The following LYST variants were observed in gnomAD, a reference collection of about 807,000 sequenced individuals.
LYST encodes lysosomal trafficking regulator, also known as lysosomal-trafficking regulator.
A neutral mutation model predicts 413.6 loss-of-function variants in LYST; 192 were observed. The observed-to-expected ratio is 0.46, with a 90% CI of 0.41 to 0.52. The LOEUF (loss-of-function observed/expected upper bound fraction) is 0.52, where lower values mean the gene tolerates loss of function less well. Ranked by LOEUF, LYST falls within the 20% of genes least tolerant of loss-of-function variation. The probability of loss-of-function intolerance (pLI) is 0.00; values close to 1 mark genes in which losing one functional copy is unlikely to be tolerated. For synonymous variants in LYST, 1,525 were observed against 1,567.3 expected, an observed-to-expected ratio of 0.97 and a Z score of 0.64; for missense variants, 3,815 against 4,499.9, an observed-to-expected ratio of 0.85 and a Z score of 4.35.
Position 235,787,331 on chromosome 1 carries a change from T to C in LYST, c.4731A>G (p.Leu1577=), listed in dbSNP as rs769475194. The C allele has an allele frequency of 6.2e-7, 1 of 1,613,836 alleles. No individual in the cohort carries two copies. The highest frequency in any genetic ancestry group is 8.5e-7 in the Non-Finnish European group (1 of 1,179,804). ...TATTCTCCTGTGATTCAACCTGTGCTAGTAAAACAGCTTTCATGTCATCAT... is the reference window on the plus strand; with the variant it reads ...TATTCTCCTGTGATTCAACCTGTGCCAGTAAAACAGCTTTCATGTCATCAT... ...DSNDDMKAVL[L]AQVESQENIF... Residue 1577 remains leucine (L), a synonymous_variant, in exon 14 of 53, where the codon CTA becomes CTG. Coordinates refer to ENST00000389793, the MANE Select transcript of LYST (RefSeq NM_000081.4).
chr1:235,684,029 C>T lies in LYST; in HGVS notation c.10800+2920G>A, dbSNP rs78415446. Among the ~76,000 whole-genome samples the T allele has an allele frequency of 3.0e-4, 45 of 152,178 alleles. No individual in the cohort carries two copies. In the East Asian group the frequency reaches 8.7e-3, roughly 29 times the overall value. ...CTAATACTTAGGTGGAAAAAAAATC[C>T]TATAAAAATTAGCTGAAAAATCTGC... On this transcript the variant is annotated intron_variant, in intron 48 of 52. Coordinates refer to ENST00000389793, the MANE Select transcript of LYST (RefSeq NM_000081.4).
At chr1:235,700,004 A>G (rs150480190) in intron 45 of LYST, among the ~76,000 whole-genome samples, 1 of 152,308 alleles carries the variant, frequency 6.6e-6, no homozygotes, top group Non-Finnish European at 1.5e-5. Flanking sequence ...TCCCTATTTA[A>G]TAAGTGGTGC....
chr1:235,750,530 G>GGT (rs149529363), intron 28 of LYST, among the ~76,000 whole-genome samples: 1 of 151,724 alleles, frequency 6.6e-6, no homozygotes, highest in Non-Finnish European at 1.5e-5. Flanking sequence ...CTCTGGAGAT[G>GGT]GTGTGTGTGT....
intron 15 of LYST, among the ~76,000 whole-genome samples, 168 bp downstream of exon 15, chr1:235,781,759 G>C (rs1236295002): frequency 6.6e-6 from 1 of 151,956 alleles, no homozygotes; most frequent in Non-Finnish European, 1.5e-5. Flanking sequence ...TGGAAATACA[G>C]TACTTATTAA....
upstream of LYST, among the ~76,000 whole-genome samples, chr1:235,869,891 A>T (rs1001039184): frequency 6.6e-6 from 1 of 152,122 alleles, no homozygotes; most frequent in African/African-American, 2.4e-5. Flanking sequence ...TGCCAGATAC[A>T]GTCCTGCTTT....
chr1:235,852,044 T>C (rs1012368756), intron 1 of LYST, among the ~76,000 whole-genome samples: 2 of 152,138 alleles, frequency 1.3e-5, no homozygotes, highest in African/African-American at 4.8e-5. Flanking sequence ...CCCAGGCCCT[T>C]CTTGACAAAT....
At chr1:235,807,705 T>G (rs532838873) in intron 5 of LYST, among the ~76,000 whole-genome samples, 1 of 152,310 alleles carries the variant, frequency 6.6e-6, no homozygotes, top group South Asian at 2.1e-4. Flanking sequence ...TAAAATTATT[T>G]TTAAATGCAC....
Position 235,809,422 on chromosome 1 carries a change from A to G in LYST, c.1396T>C (p.Ser466Pro). The G allele has an allele frequency of 1.2e-6, 2 of 1,614,006 alleles. No individual in the cohort carries two copies. Among genetic ancestry groups the G allele is most frequent in the Non-Finnish European group, 1.7e-6 (2 of 1,179,988 alleles). Residue 466 changes from serine (S) to proline (P), a missense_variant, in exon 5 of 53, where the codon TCA becomes CCA. Physicochemically the swap from Ser to Pro is moderately conservative, Grantham distance 74. Around this residue, in one of 4 missense-constraint regions of LYST, gnomAD observed 1,648 missense variants for 1,810.3 expected, o/e 0.91. Transcript: ENST00000389793. The surrounding 1 kb of genome is among the most constrained non-coding windows in gnomAD (Gnocchi z 4.0). ...TTTATTAGGGCTTTCAAATGCTCTG[A>G]GGCCTCGGGAGGAACTCCATCTCTT... ...VLRDGVPPEA[S>P]EHLKALINSV...
intron 44 of LYST, among the ~76,000 whole-genome samples, chr1:235,707,696 A>T (rs1389012158): frequency 3.3e-5 from 5 of 152,334 alleles, no homozygotes; most frequent in African/African-American, 1.2e-4. Context: ...GGAAGTAAAG[A>T]TGTACATAAA....
Position 235,722,312 on chromosome 1 carries a change from A to G in LYST, c.9316-1407T>C, listed in dbSNP as rs142258180. On this transcript the variant is annotated intron_variant, in intron 39 of 52. Transcript: ENST00000389793. ...AGTGATTGAAGGATTCTGAGCAGAG[A>G]AAAGATATGATCCAACATACTTTAG... Among the ~76,000 whole-genome samples, 705 of 152,334 alleles carry G rather than the reference A, an allele frequency of 4.6e-3. 2 individuals are homozygous for G. The highest frequency in any genetic ancestry group is 0.02 in the Middle Eastern group (6 of 294).
rs116553564 is a variant in LYST, at chr1:235,693,034, G to A, written c.10701+316C>T. Among the ~76,000 whole-genome samples the A allele has an allele frequency of 0.015, 2,250 of 149,532 alleles. 58 individuals are homozygous for A. Among genetic ancestry groups the A allele is most frequent in the African/African-American group, 0.052 (2,102 of 40,792 alleles). On this transcript the variant is annotated intron_variant, in intron 47 of 52. Transcript: ENST00000389793. ...ACACTCTAAAATTAAAAAAAAAGTT[G>A]GCCAGGTGTGGTGGCTCACACCTGT...
At chr1:235,677,342 A>G (rs1659461818) in intron 49 of LYST, 138 bp downstream of exon 49, 1 of 1,109,674 alleles carries the variant, frequency 9.0e-7, no homozygotes, top group Admixed American at 1.8e-5. Flanking sequence ...TATAATAGGT[A>G]ATCTTACTAC....
intron 43 of LYST, 36 bp from the exon 44 acceptor site, chr1:235,709,344 C>T: frequency 6.7e-7 from 1 of 1,498,792 alleles, no homozygotes; most frequent in Non-Finnish European, 9.1e-7. Flanking sequence ...TTTAACTCCC[C>T]CACAGCAAGT....
At chr1:235,832,296 C>A (rs1375530038) in intron 2 of LYST, among the ~76,000 whole-genome samples, 1 of 152,084 alleles carries the variant, frequency 6.6e-6, no homozygotes, top group African/African-American at 2.4e-5. Flanking sequence ...AAGACACTAT[C>A]CATTGCAAGA....
At chr1:235,780,500 A>G (rs1009394140) in intron 16 of LYST, among the ~76,000 whole-genome samples, 1 of 152,144 alleles carries the variant, frequency 6.6e-6, no homozygotes, top group African/African-American at 2.4e-5. Flanking sequence ...ATTTATTTAT[A>G]AGTATGGAAA....
chr1:235,772,318 TA>T (rs1403455530), intron 19 of LYST, among the ~76,000 whole-genome samples: 2 of 152,112 alleles, frequency 1.3e-5, no homozygotes, highest in Admixed American at 1.3e-4. Flanking sequence ...ATAACCATTT[TA>T]AAAAAATTCT....
At chr1:235,848,154 T>C (rs1335167501) in intron 1 of LYST, among the ~76,000 whole-genome samples, 3 of 152,050 alleles carry the variant, frequency 2.0e-5, no homozygotes, top group Non-Finnish European at 1.5e-5. Flanking sequence ...CTCAATAGAT[T>C]TAAGAAAACT....
intron 21 of LYST, among the ~76,000 whole-genome samples, chr1:235,764,495 CTTTTTTT>C (rs1020736833): frequency 1.2e-3 from 120 of 97,930 alleles, no homozygotes; most frequent in Admixed American, 3.2e-3. Flanking sequence ...TTTTTCTTTT[CTTTTTTT>C]TTTTTTTTTT....
In LYST at chr1:235,773,275, G is replaced by A. The variant is rs1668891593; in HGVS notation, c.5784+567C>T. Among the ~76,000 whole-genome samples the A allele has an allele frequency of 2.0e-5, 3 of 151,632 alleles. No homozygotes were observed. The East Asian group carries it at 5.8e-4, about 29-fold the overall frequency. ...GGAGGTTGCAGTGAGCCAAGATCACGCCACTGCACTCCAGCCTGGGCAAAA... is the reference window on the plus strand; with the variant it reads ...GGAGGTTGCAGTGAGCCAAGATCACACCACTGCACTCCAGCCTGGGCAAAA... On this transcript the variant is annotated intron_variant, in intron 19 of 52. Coordinates refer to ENST00000389793, the MANE Select transcript of LYST (RefSeq NM_000081.4).
Sources: gnomAD v4.1 joint callset for allele counts (sites outside exome capture counted in the v4.1 genomes callset) on GRCh38, gnomAD v4.1.1 for gene constraint, gnomAD v4.1.1 regional missense constraint, Gnocchi (gnomAD v3.1) non-coding constraint, MANE v1.5 for transcripts, NCBI Gene and HGNC (gene_info 2026-07-23, HGNC 2026-07-21) for gene names.